Variants in MAML2 observed in about 807,000 individuals in gnomAD.
MAML2 encodes mastermind-like protein 2.
In MAML2, 22 loss-of-function variants were observed where a neutral mutation model predicts 96.1. The observed-to-expected ratio is 0.23, with a 90% CI of 0.16 to 0.33. The LOEUF is 0.33. MAML2 is among the 10% of genes least tolerant of loss of function. The probability of loss-of-function intolerance (pLI) is 1.00; values close to 1 mark genes in which losing one functional copy is unlikely to be tolerated. For synonymous variants in MAML2, 561 were observed against 521.3 expected, an observed-to-expected ratio of 1.08 and a Z score of -1.04; for missense variants, 1,367 against 1,392.4, an observed-to-expected ratio of 0.98 and a Z score of 0.29.
chr11:96,325,663 A>T (rs1387684692), intron 1 of MAML2, among the ~76,000 whole-genome samples: 1 of 151,904 alleles, frequency 6.6e-6, no homozygotes, highest in East Asian at 1.9e-4. Flanking sequence ...GAGGAACAAT[A>T]TTCTCCTTCA....
In MAML2 at chr11:95,988,112, G is replaced by C. The variant is rs904550382; in HGVS notation, c.2344-2470C>G. On this transcript the variant is annotated intron_variant, in intron 3 of 4. Coordinates refer to ENST00000524717, the MANE Select transcript of MAML2 (RefSeq NM_032427.4). ...TTTCTACCGTTTATACTGAAGACAG[G>C]ATGTGTGTGTGTGTGTGTGTGTGTG... 7.3e-5 allele frequency among the ~76,000 whole-genome samples: 9 copies of C among 123,764 alleles called. No individual in the cohort carries two copies. The Admixed American group carries it at 7.5e-4, about 10-fold the overall frequency. The allele number at this position is 123,764 out of a possible 152,430, so 81.2% of individuals were successfully genotyped here. A position where few individuals can be genotyped will look rare whatever the true frequency, so the allele number is the denominator to read the frequency against.
At chr11:96,312,797 C>G (rs1044167380) in intron 1 of MAML2, among the ~76,000 whole-genome samples, 1 of 152,188 alleles carries the variant, frequency 6.6e-6, no homozygotes, top group African/African-American at 2.4e-5. Flanking sequence ...ATCGACTTAC[C>G]TGTTGTGAAA....
chr11:96,124,981 A>G (rs1860414033), intron 1 of MAML2, among the ~76,000 whole-genome samples: 1 of 152,178 alleles, frequency 6.6e-6, no homozygotes, highest in Non-Finnish European at 1.5e-5. Flanking sequence ...GCATTAATTG[A>G]CACCTGTCTC....
intron 1 of MAML2, among the ~76,000 whole-genome samples, chr11:96,094,051 A>C (rs901062657): frequency 1.3e-5 from 2 of 152,096 alleles, no homozygotes; most frequent in South Asian, 2.1e-4. Flanking sequence ...TAATTAGAAT[A>C]GTTCTCAGGC....
intron 1 of MAML2, among the ~76,000 whole-genome samples, chr11:96,102,231 G>A (rs960477035): frequency 1.3e-5 from 2 of 152,130 alleles, no homozygotes; most frequent in African/African-American, 2.4e-5. Context: ...AGCCGAGATC[G>A]CGTCACTGCA....
At chr11:96,015,228 T>G (rs1189463903) in intron 2 of MAML2, among the ~76,000 whole-genome samples, 1 of 152,186 alleles carries the variant, frequency 6.6e-6, no homozygotes. Flanking sequence ...GCACTTCATA[T>G]GGAAACATGA....
chr11:96,125,570 G>T (rs536103835), intron 1 of MAML2, among the ~76,000 whole-genome samples: 1 of 152,132 alleles, frequency 6.6e-6, no homozygotes, highest in Non-Finnish European at 1.5e-5. Context: ...TGCTGGGTTG[G>T]CACACATATT....
chr11:95,978,866 T>C lies in MAML2; in HGVS notation c.*82A>G, dbSNP rs1857687879. On this transcript the variant is annotated 3_prime_UTR_variant, in exon 5 of 5. Transcript: ENST00000524717. ...TATCTTCATGTAGTCCACCTGAACATCAACAGTTCAGCCTCTACAGAGTTT... is the reference window on the plus strand; with the variant it reads ...TATCTTCATGTAGTCCACCTGAACACCAACAGTTCAGCCTCTACAGAGTTT... 1 of 1,241,106 alleles carries C rather than the reference T, an allele frequency of 8.1e-7. No individual in the cohort carries two copies. The highest frequency in any genetic ancestry group is 1.1e-6 in the Non-Finnish European group (1 of 910,110). 76.9% of individuals were successfully genotyped at this position (1,241,106 alleles called of 1,614,324 possible). A position where few individuals can be genotyped will look rare whatever the true frequency, so the allele number is the denominator to read the frequency against.
At chr11:96,241,758 C>G (rs1208943079) in intron 1 of MAML2, among the ~76,000 whole-genome samples, 1 of 152,148 alleles carries the variant, frequency 6.6e-6, no homozygotes, top group African/African-American at 2.4e-5. Context: ...TAAAACGATG[C>G]AAACCAATGG....
chr11:96,200,460 A>G lies in MAML2; in HGVS notation c.514-106943T>C, dbSNP rs549274909. ...TCTTCTGTTTCTCTTTGAGGAATGA[A>G]TGGAATCTCTCCTGGGACCTATCCT... On this transcript the variant is annotated intron_variant, in intron 1 of 4. Coordinates refer to ENST00000524717, the MANE Select transcript of MAML2 (RefSeq NM_032427.4). Among the ~76,000 whole-genome samples the G allele has an allele frequency of 3.9e-5, 6 of 152,308 alleles. No homozygotes were observed. In the South Asian group the frequency reaches 1.2e-3, roughly 32 times the overall value.
chr11:96,343,158 T>C lies in MAML2; in HGVS notation c.-1263A>G, dbSNP rs1007889969. 7.6e-6 allele frequency: 3 copies of C among 394,926 alleles called. No homozygotes were observed. The highest frequency in any genetic ancestry group is 1.3e-4 in the South Asian group (1 of 7,808). The allele number at this position is 394,926 out of a possible 1,614,324, so 24.5% of individuals were successfully genotyped here. ...AGTCACGGCGATACACAGGCTTTCA[T>C]TGTGCTCCGATAGGAGAGGGAGAGA... On this transcript the variant is annotated 5_prime_UTR_variant, in exon 1 of 5. The change abolishes an upstream ATG in the 5' untranslated region. Transcript: ENST00000524717.
intron 3 of MAML2, among the ~76,000 whole-genome samples, chr11:95,990,859 A>T (rs901153713): frequency 1.3e-5 from 2 of 152,174 alleles, no homozygotes; most frequent in African/African-American, 2.4e-5. Context: ...GGCTGAGCAG[A>T]TAAATACTGA....
At position 96,283,966 on chromosome 11, in the gene MAML2, T is replaced by G. The variant is rs185625557; in HGVS notation, c.513+57417A>C. 2.0e-5 allele frequency among the ~76,000 whole-genome samples: 3 copies of G among 152,296 alleles called. No homozygotes were observed. In the East Asian group the frequency reaches 5.8e-4, roughly 29 times the overall value. On this transcript the variant is annotated intron_variant, in intron 1 of 4. Transcript: ENST00000524717. ...ACAATTGTCTTCCTTTTTCAAAACTTTACTGAAAGTACTTATCATTTTGCC... is the reference window on the plus strand; with the variant it reads ...ACAATTGTCTTCCTTTTTCAAAACTGTACTGAAAGTACTTATCATTTTGCC...
chr11:96,126,905 T>TGG (rs36054141), intron 1 of MAML2, among the ~76,000 whole-genome samples: 1 of 146,006 alleles, frequency 6.8e-6, no homozygotes, highest in Admixed American at 6.9e-5. Context: ...GGTATGGACA[T>TGG]GGGGGGGGTC....
At chr11:96,171,735 T>G (rs140683255) in intron 1 of MAML2, among the ~76,000 whole-genome samples, 2 of 152,164 alleles carry the variant, frequency 1.3e-5, no homozygotes, top group Non-Finnish European at 2.9e-5. Context: ...AACCAAATAA[T>G]GAATGGCAGA....
At chr11:96,127,498 T>A (rs902550179) in intron 1 of MAML2, among the ~76,000 whole-genome samples, 2 of 152,252 alleles carry the variant, frequency 1.3e-5, no homozygotes, top group Admixed American at 1.3e-4. Context: ...CAGCGCCAAA[T>A]AATTTGCTGG....
chr11:96,189,628 T>C (rs1223747727), intron 1 of MAML2, among the ~76,000 whole-genome samples: 1 of 152,240 alleles, frequency 6.6e-6, no homozygotes, highest in Non-Finnish European at 1.5e-5. Context: ...CATGTTTCAT[T>C]ATATTCATTC....
At chr11:96,203,824 A>C (rs1861859503) in intron 1 of MAML2, among the ~76,000 whole-genome samples, 2 of 152,256 alleles carry the variant, frequency 1.3e-5, no homozygotes. Context: ...GTTTTCAAAA[A>C]ATTCAGTGCG....
chr11:96,007,881 T>C (rs1219910912), intron 2 of MAML2, among the ~76,000 whole-genome samples: 1 of 20,514 alleles, frequency 4.9e-5, no homozygotes, highest in African/African-American at 2.2e-4. Flanking sequence ...TGTGGTGGGG[T>C]GGGGGGAGGG....
Sources: allele counts gnomAD v4.1 joint callset (sites outside exome capture counted in the v4.1 genomes callset), GRCh38; gene constraint gnomAD v4.1.1; transcripts MANE v1.5; gene names NCBI Gene and HGNC (gene_info 2026-07-23, HGNC 2026-07-21).